IGF2BP2: variants seen among roughly 807,000 people sequenced by gnomAD.
The protein encoded by IGF2BP2 is insulin like growth factor 2 mRNA binding protein 2.
A neutral mutation model predicts 75.8 loss-of-function variants in IGF2BP2; 17 were observed. The observed-to-expected ratio is 0.22, with a 90% confidence interval of 0.15 to 0.34. The LOEUF is 0.34. Among genes scored for constraint, IGF2BP2 ranks in the 10% least tolerant of loss-of-function variants. The pLI, the probability that IGF2BP2 is intolerant of heterozygous loss-of-function variation, is 1.00. For synonymous variants in IGF2BP2, 288 were observed against 295.6 expected, an observed-to-expected ratio of 0.97 and a Z score of 0.26; for missense variants, 516 against 772.4, an observed-to-expected ratio of 0.67 and a Z score of 3.93.
intron 2 of IGF2BP2, among the ~76,000 whole-genome samples, chr3:185,800,712 C>CAAA (rs771161283): frequency 3.6e-5 from 3 of 82,778 alleles, no homozygotes; most frequent in Non-Finnish European, 7.7e-5. Context: ...GTGACTGAGC[C>CAAA]AAAAAAAAAG....
At chr3:185,701,617 G>A (rs552168013) in intron 2 of IGF2BP2, among the ~76,000 whole-genome samples, 2 of 152,256 alleles carry the variant, frequency 1.3e-5, no homozygotes, top group East Asian at 3.9e-4. Context: ...TAAAACAATG[G>A]CATTTCCCTG....
At chr3:185,690,985 A>G (rs907574179) in intron 5 of IGF2BP2, among the ~76,000 whole-genome samples, 1 of 152,212 alleles carries the variant, frequency 6.6e-6, no homozygotes, top group African/African-American at 2.4e-5. Flanking sequence ...TCATGTAGAG[A>G]GGTCCACCCA....
chr3:185,760,781 G>A (rs977365938), intron 2 of IGF2BP2, among the ~76,000 whole-genome samples: 2 of 152,150 alleles, frequency 1.3e-5, no homozygotes, highest in African/African-American at 4.8e-5. Context: ...CCTAATCTGG[G>A]AGCAGAGGAT....
chr3:185,647,242 G>A lies in IGF2BP2; in HGVS notation c.1594-104C>T, dbSNP rs913270915. ...CAAGAGGTGGAGCAGGGGAAGGAGG[G>A]GGGCTGGACTCTGCTCTCCTTTCCT... On this transcript the variant is annotated intron_variant, in intron 14 of 15. Coordinates refer to ENST00000382199, the MANE Select transcript of IGF2BP2 (RefSeq NM_006548.6). The surrounding 1 kb of genome is among the most constrained non-coding windows in gnomAD (Gnocchi z 4.9). 24 of 827,796 alleles carry A rather than the reference G, an allele frequency of 2.9e-5. No individual in the cohort carries two copies. Among genetic ancestry groups the A allele is most frequent in the Middle Eastern group, 2.2e-4 (1 of 4,526 alleles). The allele number at this position is 827,796 out of a possible 1,614,324, so 51.3% of individuals were successfully genotyped here. A position where few individuals can be genotyped will look rare whatever the true frequency, so the allele number is the denominator to read the frequency against.
intron 2 of IGF2BP2, among the ~76,000 whole-genome samples, chr3:185,819,052 G>A (rs947683584): frequency 6.6e-6 from 1 of 152,028 alleles, no homozygotes; most frequent in African/African-American, 2.4e-5. Context: ...AGATCATCAA[G>A]TATAAAAGGC....
At chr3:185,780,073 G>A in intron 2 of IGF2BP2, among the ~76,000 whole-genome samples, 1 of 152,184 alleles carries the variant, frequency 6.6e-6, no homozygotes, top group South Asian at 2.1e-4. Flanking sequence ...GAAAGTTCTA[G>A]ACATGTTGCG....
chr3:185,662,844 A>T (rs1023071771), intron 10 of IGF2BP2, among the ~76,000 whole-genome samples: 3 of 151,380 alleles, frequency 2.0e-5, no homozygotes, highest in African/African-American at 7.3e-5. Context: ...CAGCTGGCTA[A>T]TTTTTTTGCA....
At position 185,747,657 on chromosome 3, in the gene IGF2BP2, C is replaced by T. The variant is rs550636403; in HGVS notation, c.240-49310G>A. 1.8e-4 allele frequency among the ~76,000 whole-genome samples: 27 copies of T among 151,676 alleles called. 1 individual carries two copies. In the South Asian group the frequency reaches 2.7e-3, roughly 15 times the overall value. The stretch of plus-strand genomic sequence containing the variant: ...TCACACCATTGCACGCCAGCCTGGG[C>T]GACAGAGCAAGAGTCCGTCTCAAAA... On this transcript the variant is annotated intron_variant, in intron 2 of 15. Transcript: ENST00000382199.
chr3:185,776,002 G>A (rs1348840888), intron 2 of IGF2BP2, among the ~76,000 whole-genome samples: 1 of 152,200 alleles, frequency 6.6e-6, no homozygotes, highest in East Asian at 1.9e-4. Flanking sequence ...CCAGCACTTT[G>A]GGTGGCCAAG....
rs370101466 is a variant in IGF2BP2, at chr3:185,825,008, G to A, written c.-48C>T. 1.4e-6 allele frequency: 2 copies of A among 1,401,988 alleles called. No individual in the cohort carries two copies. The highest frequency in any genetic ancestry group is 1.9e-6 in the Non-Finnish European group (2 of 1,053,364). 86.8% of individuals were successfully genotyped at this position (1,401,988 alleles called of 1,614,324 possible). ...CGGCTCCCCCGGCCCGGTACCCGGC[G>A]CTCCTCGCCTCCTCCGCTGCCCTCG... is the stretch of plus-strand genomic sequence containing the variant. On this transcript the variant is annotated 5_prime_UTR_variant, in exon 1 of 16. Transcript: ENST00000382199.
At chr3:185,727,044 C>A (rs1311298032) in intron 2 of IGF2BP2, among the ~76,000 whole-genome samples, 3 of 152,080 alleles carry the variant, frequency 2.0e-5, no homozygotes, top group Admixed American at 2.0e-4. Flanking sequence ...CATCGTGAAA[C>A]CCCATCTCTA....
At chr3:185,656,327 A>C (rs938614971) in intron 12 of IGF2BP2, among the ~76,000 whole-genome samples, 1 of 152,238 alleles carries the variant, frequency 6.6e-6, no homozygotes, top group Non-Finnish European at 1.5e-5. Context: ...GATAAGATAA[A>C]TGAGGTCTGA....
intron 5 of IGF2BP2, among the ~76,000 whole-genome samples, chr3:185,692,479 G>A (rs781564359): frequency 3.3e-5 from 5 of 152,134 alleles, no homozygotes; most frequent in South Asian, 2.1e-4. Context: ...ATGTCCTGGA[G>A]CTCCACTGAC....
chr3:185,698,501 GTTT>G (rs1292501415), intron 2 of IGF2BP2, among the ~76,000 whole-genome samples, 154 bp from the exon 3 acceptor site: 37 of 152,064 alleles, frequency 2.4e-4, no homozygotes, highest in Non-Finnish European at 5.9e-5. Context: ...CATGAGCATA[GTTT>G]TTTTGTTGTT....
intron 2 of IGF2BP2, among the ~76,000 whole-genome samples, chr3:185,804,429 T>C (rs528056184): frequency 7.6e-6 from 1 of 131,522 alleles, no homozygotes; most frequent in East Asian, 2.1e-4. Flanking sequence ...CGAGACTTTG[T>C]CTCAAACAAA....
chr3:185,738,302 A>G (rs1427637591), intron 2 of IGF2BP2, among the ~76,000 whole-genome samples: 3 of 152,234 alleles, frequency 2.0e-5, no homozygotes, highest in African/African-American at 7.2e-5. Flanking sequence ...ATAGTCCCAG[A>G]TCCTGCCTTT....
At chr3:185,730,932 A>G (rs1483870545) in intron 2 of IGF2BP2, among the ~76,000 whole-genome samples, 1 of 152,194 alleles carries the variant, frequency 6.6e-6, no homozygotes, top group Non-Finnish European at 1.5e-5. Context: ...CTGGTATAAG[A>G]TAATACCTCA....
chr3:185,649,640 TC>T, intron 13 of IGF2BP2, 106 bp from the exon 14 acceptor site: 1 of 1,452,974 alleles, frequency 6.9e-7, no homozygotes, highest in South Asian at 1.3e-5. Flanking sequence ...TCAGTCCCAT[TC>T]CCACACTCCC....
At chr3:185,761,012 A>AG (rs55753520) in intron 2 of IGF2BP2, among the ~76,000 whole-genome samples, 27,733 of 151,356 alleles carry the variant, frequency 0.18, 3,085 homozygotes, top group Middle Eastern at 0.31. Flanking sequence ...CTTTTTTTTG[A>AG]GGGGGGGAAC....
Sources: allele counts gnomAD v4.1 joint callset (sites outside exome capture counted in the v4.1 genomes callset), GRCh38; gene constraint gnomAD v4.1.1; non-coding constraint Gnocchi (gnomAD v3.1); transcripts MANE v1.5; gene names NCBI Gene and HGNC (gene_info 2026-07-23, HGNC 2026-07-21).